DOCK3: variants seen among roughly 807,000 people sequenced by gnomAD.
DOCK3 encodes the protein dedicator of cytokinesis protein 3.
Under a neutral mutation model 265.6 loss-of-function variants are expected in DOCK3, and 60 were observed. The observed-to-expected ratio is 0.23, with a 90% CI of 0.18 to 0.28. The LOEUF (loss-of-function observed/expected upper bound fraction) is 0.28. Among genes scored for constraint, DOCK3 ranks in the 10% least tolerant of loss-of-function variants. The pLI, the probability that DOCK3 is intolerant of heterozygous loss-of-function variation, is 1.00. For synonymous variants in DOCK3, 881 were observed against 938.0 expected (o/e 0.94, Z 1.11); for missense variants, 1,981 against 2,594.3 (o/e 0.76, Z 5.14).
chr3:51,285,661 G>T (rs2081363874), intron 27 of DOCK3, among the ~76,000 whole-genome samples: 1 of 152,022 alleles, frequency 6.6e-6, no homozygotes, highest in African/African-American at 2.4e-5. Context: ...AAGGCCAGGT[G>T]CAGTGCCTCA....
At chr3:51,324,813 G>A (rs951297055) in intron 32 of DOCK3, among the ~76,000 whole-genome samples, 3 of 152,124 alleles carry the variant, frequency 2.0e-5, no homozygotes, top group African/African-American at 4.8e-5. Context: ...ACAAGCAATG[G>A]GGAAAGGATT....
intron 9 of DOCK3, among the ~76,000 whole-genome samples, chr3:51,096,528 T>G (rs2082864668): frequency 6.6e-6 from 1 of 152,222 alleles, no homozygotes; most frequent in Non-Finnish European, 1.5e-5. Context: ...CTGGTTATTG[T>G]AGTTAGCAAT....
chr3:50,718,770 G>C (rs1178093051), intron 1 of DOCK3, among the ~76,000 whole-genome samples: 4 of 92,180 alleles, frequency 4.3e-5, no homozygotes, highest in African/African-American at 8.2e-5. Context: ...TTTGTGGGTT[G>C]ATTTTTTTTT....
chr3:50,745,919 C>T (rs1424145279), intron 1 of DOCK3, among the ~76,000 whole-genome samples: 1 of 152,106 alleles, frequency 6.6e-6, no homozygotes, highest in Non-Finnish European at 1.5e-5. Context: ...ACTCATAGAG[C>T]TTCCTGTTCT....
chr3:50,757,918 G>T (rs2040267942), intron 1 of DOCK3, among the ~76,000 whole-genome samples: 6 of 152,078 alleles, frequency 3.9e-5, no homozygotes, highest in Admixed American at 3.9e-4. Context: ...GCTCACGCCT[G>T]TAATCCCAGC....
In DOCK3 at chr3:50,717,100, A is replaced by G. The variant is rs555448592; in HGVS notation, c.37+41800A>G. Reference sequence around the variant, plus strand: ...GAGAGTCCTTATTTTAAAAATCTGAATAATGTTCTAGTACATGGATATGCC... The same window carrying G: ...GAGAGTCCTTATTTTAAAAATCTGAGTAATGTTCTAGTACATGGATATGCC... On this transcript the variant is annotated intron_variant, in intron 1 of 52. Coordinates refer to ENST00000266037, the MANE Select transcript of DOCK3 (RefSeq NM_004947.5). Among the ~76,000 whole-genome samples, 10 of 152,328 alleles carry G rather than the reference A, an allele frequency of 6.6e-5. No homozygotes were observed. The South Asian group carries it at 1.7e-3, about 25-fold the overall frequency.
intron 2 of DOCK3, chr3:50,787,548 AC>A: frequency 1.4e-6 from 1 of 724,480 alleles, no homozygotes; most frequent in East Asian, 3.1e-5. Flanking sequence ...ACAAAAAACA[AC>A]CCTGGGTCAC....
At chr3:51,365,799 G>T (rs956443540) in intron 49 of DOCK3, among the ~76,000 whole-genome samples, 1 of 152,182 alleles carries the variant, frequency 6.6e-6, no homozygotes, top group Non-Finnish European at 1.5e-5. Flanking sequence ...TTATTGATCT[G>T]CATATGTTGA....
intron 12 of DOCK3, among the ~76,000 whole-genome samples, chr3:51,185,559 A>G (rs2087548606): frequency 6.6e-6 from 1 of 152,206 alleles, no homozygotes; most frequent in African/African-American, 2.4e-5. Flanking sequence ...AAGATAGTAA[A>G]GCTTCTAAGT....
intron 4 of DOCK3, among the ~76,000 whole-genome samples, chr3:50,930,729 T>C (rs2047097853): frequency 6.6e-6 from 1 of 152,188 alleles, no homozygotes; most frequent in African/African-American, 2.4e-5. Context: ...GGAGTGATAC[T>C]GTGCAGACCC....
At chr3:50,676,025 G>C (rs1355247123) in intron 1 of DOCK3, among the ~76,000 whole-genome samples, 1 of 152,036 alleles carries the variant, frequency 6.6e-6, no homozygotes, top group Non-Finnish European at 1.5e-5. Context: ...GTAATTTAAA[G>C]TATTGAATGT....
intron 1 of DOCK3, among the ~76,000 whole-genome samples, chr3:50,698,523 T>G (rs1466245352): frequency 2.1e-5 from 2 of 95,894 alleles, no homozygotes; most frequent in African/African-American, 8.2e-5. Context: ...TTTGGTTTTT[T>G]TTTTTTTTTT....
chr3:50,959,531 TGTG>T lies in DOCK3; in HGVS notation c.315+25455_315+25457del, dbSNP rs992909221. ...TAATCACATTTTACTCTTTTTATGT[TGTG>T]TGTGTGTGTGTGTGTGTGTGTGTGT... On this transcript the variant is annotated intron_variant, in intron 5 of 52. Coordinates refer to ENST00000266037, the MANE Select transcript of DOCK3 (RefSeq NM_004947.5). Among the ~76,000 whole-genome samples the T allele has an allele frequency of 5.4e-5, 6 of 111,848 alleles. No individual in the cohort carries two copies. The Admixed American group carries it at 6.6e-4, about 12-fold the overall frequency. 73.4% of individuals were successfully genotyped at this position (111,848 alleles called of 152,430 possible).
intron 5 of DOCK3, among the ~76,000 whole-genome samples, chr3:50,989,326 C>A (rs2078018874): frequency 6.6e-6 from 1 of 152,162 alleles, no homozygotes; most frequent in Non-Finnish European, 1.5e-5. Flanking sequence ...ACTGAGATTG[C>A]CCCAGAGCTA....
At chr3:51,086,906 T>C (rs760477660) in intron 7 of DOCK3, among the ~76,000 whole-genome samples, 3 of 152,080 alleles carry the variant, frequency 2.0e-5, no homozygotes, top group Non-Finnish European at 4.4e-5. Flanking sequence ...ACACACACAA[T>C]CTACCAAGAT....
chr3:50,691,915 GTT>G (rs568668591), intron 1 of DOCK3, among the ~76,000 whole-genome samples: 8 of 135,212 alleles, frequency 5.9e-5, no homozygotes, highest in Non-Finnish European at 4.8e-5. Flanking sequence ...AATCTAAAAA[GTT>G]TTTTTTTTTT....
chr3:50,887,014 G>C (rs1375111108), intron 3 of DOCK3, among the ~76,000 whole-genome samples: 1 of 152,010 alleles, frequency 6.6e-6, no homozygotes, highest in Non-Finnish European at 1.5e-5. Flanking sequence ...ACCCAAATCA[G>C]AGCAGAACTG....
intron 19 of DOCK3, among the ~76,000 whole-genome samples, chr3:51,234,233 T>C (rs768589964): frequency 6.6e-6 from 1 of 152,246 alleles, no homozygotes; most frequent in Non-Finnish European, 1.5e-5. Flanking sequence ...TGCATTTCCC[T>C]GATGATTAGT....
chr3:50,874,180 G>A (rs895727583), intron 3 of DOCK3, among the ~76,000 whole-genome samples: 2 of 149,136 alleles, frequency 1.3e-5, no homozygotes, highest in Non-Finnish European at 3.0e-5. Flanking sequence ...GATAGGAATT[G>A]CATTAAATGT....
Sources: gnomAD v4.1 joint callset for allele counts (sites outside exome capture counted in the v4.1 genomes callset) on GRCh38, gnomAD v4.1.1 for gene constraint, MANE v1.5 for transcripts, NCBI Gene and HGNC (gene_info 2026-07-23, HGNC 2026-07-21) for gene names.